Variants in NCKAP5 observed in about 807,000 individuals in gnomAD.
The protein encoded by NCKAP5 is nck-associated protein 5.
Under a neutral mutation model 167.0 loss-of-function variants are expected in NCKAP5, and 92 were observed. The ratio of observed to expected loss-of-function variants is 0.55; its 90% CI spans 0.47 to 0.66. The LOEUF (loss-of-function observed/expected upper bound fraction) is 0.66. Among genes scored for constraint, NCKAP5 ranks in the 30% least tolerant of loss-of-function variants. NCKAP5 has a pLI of 0.00. For missense variants in NCKAP5, 2,378 were observed against 2,315.0 expected (o/e 1.03, Z -0.56); for synonymous variants, 891 against 877.4 (o/e 1.02, Z -0.27).
intron 5 of NCKAP5, among the ~76,000 whole-genome samples, chr2:133,204,730 A>G (rs558823658): frequency 1.5e-3 from 234 of 152,336 alleles, no homozygotes; most frequent in Middle Eastern, 6.8e-3. Flanking sequence ...CCCACTGACA[A>G]TGTAGAATTT....
chr2:132,772,182 A>G (rs564199743), intron 16 of NCKAP5, among the ~76,000 whole-genome samples: 1 of 152,232 alleles, frequency 6.6e-6, no homozygotes, highest in South Asian at 2.1e-4. Flanking sequence ...AGGTTTGTGT[A>G]AGTACACTCT....
Position 133,517,622 on chromosome 2 carries a change from TAC to T in NCKAP5, c.-61-37_-61-36del, listed in dbSNP as rs150977120. The T allele has an allele frequency of 3.3e-3, 2,433 of 746,874 alleles. 35 individuals carry two copies. The highest frequency in any genetic ancestry group is 0.03 in the East Asian group (1,049 of 34,970). The allele number at this position is 746,874 out of a possible 1,614,324, so 46.3% of individuals were successfully genotyped here. A position where few individuals can be genotyped will look rare whatever the true frequency, so the allele number is the denominator to read the frequency against. On this transcript the variant is annotated intron_variant, in intron 2 of 19. Transcript: ENST00000409261. Reference sequence around the variant, plus strand: ...GTGAACATGTGTTTTACTATCCAAGTACACAGTGTTTAGACCTTTGTTTTTAA... The same window carrying T: ...GTGAACATGTGTTTTACTATCCAAGTACAGTGTTTAGACCTTTGTTTTTAA...
At chr2:133,628,390 A>C in the NCKAP5 span, among the ~76,000 whole-genome samples, 12 of 152,338 alleles carry the variant, frequency 7.9e-5, no homozygotes, top group South Asian at 2.5e-3. Flanking sequence ...ACTCCCATTC[A>C]CAATTGCTAC....
intron 1 of NCKAP5, among the ~76,000 whole-genome samples, chr2:133,564,715 C>T (rs1406411210): frequency 1.3e-5 from 2 of 152,064 alleles, no homozygotes; most frequent in Non-Finnish European, 2.9e-5. Context: ...GCAGTCTTCT[C>T]TCTTAAGTAG....
At chr2:133,492,474 G>T (rs183994178) in intron 3 of NCKAP5, among the ~76,000 whole-genome samples, 37 of 152,098 alleles carry the variant, frequency 2.4e-4, no homozygotes, top group Middle Eastern at 3.2e-3. Flanking sequence ...ATAACACAAC[G>T]CTTCCTGTGC....
chr2:133,295,478 G>T (rs187308957), intron 4 of NCKAP5, among the ~76,000 whole-genome samples: 4 of 152,158 alleles, frequency 2.6e-5, no homozygotes, highest in African/African-American at 4.8e-5. Flanking sequence ...AAATTTATTT[G>T]ACCATGGAGT....
the NCKAP5 span, among the ~76,000 whole-genome samples, chr2:133,596,595 C>T: frequency 2.0e-5 from 3 of 152,100 alleles, no homozygotes; most frequent in East Asian, 1.9e-4. Context: ...AGGATAACCC[C>T]GAGGTCGCCA....
At chr2:132,965,902 CTTTG>C (rs1185914312) in intron 7 of NCKAP5, among the ~76,000 whole-genome samples, 2 of 132,918 alleles carry the variant, frequency 1.5e-5, no homozygotes, top group African/African-American at 7.6e-5. Flanking sequence ...GTACATGACT[CTTTG>C]TGTGTGTGTG....
intron 6 of NCKAP5, among the ~76,000 whole-genome samples, chr2:133,121,279 A>G (rs2082242636): frequency 6.6e-6 from 1 of 151,824 alleles, no homozygotes; most frequent in South Asian, 2.1e-4. Context: ...AAGAAACTTA[A>G]AAGACATATC....
At chr2:133,366,963 T>C (rs1685492911) in intron 3 of NCKAP5, among the ~76,000 whole-genome samples, 1 of 152,160 alleles carries the variant, frequency 6.6e-6, no homozygotes, top group Non-Finnish European at 1.5e-5. Flanking sequence ...GTAAAGACAC[T>C]GAAAATGACA....
At chr2:132,763,550 G>T (rs138293267) in intron 16 of NCKAP5, among the ~76,000 whole-genome samples, 42 of 152,294 alleles carry the variant, frequency 2.8e-4, no homozygotes, top group African/African-American at 9.9e-4. Flanking sequence ...TTAATATGGG[G>T]TGTGATTTTG....
At chr2:132,733,506 G>A (rs1434850314) in intron 16 of NCKAP5, among the ~76,000 whole-genome samples, 1 of 152,164 alleles carries the variant, frequency 6.6e-6, no homozygotes, top group Non-Finnish European at 1.5e-5. Context: ...ACTGCTGTGA[G>A]GATTAAAGTA....
chr2:133,189,260 G>A lies in NCKAP5; in HGVS notation c.207+24456C>T, dbSNP rs190839363. ...AAGAAGTTGAATCTCTGAATAGACC[G>A]ATAACAGGCTCTGAAATTGAGGCAA... On this transcript the variant is annotated intron_variant, in intron 5 of 19. Coordinates refer to ENST00000409261, the MANE Select transcript of NCKAP5 (RefSeq NM_207363.3). 1.2e-3 allele frequency among the ~76,000 whole-genome samples: 179 copies of A among 151,946 alleles called. 1 individual carries two copies. Among genetic ancestry groups the A allele is most frequent in the East Asian group, 5.8e-3 (30 of 5,162 alleles).
chr2:133,362,257 G>A (rs552114873), intron 3 of NCKAP5, among the ~76,000 whole-genome samples: 1 of 152,268 alleles, frequency 6.6e-6, no homozygotes, highest in South Asian at 2.1e-4. Flanking sequence ...AAAAGAAGAG[G>A]AAAACATGAA....
intron 3 of NCKAP5, among the ~76,000 whole-genome samples, chr2:133,463,699 C>G (rs2151243470): frequency 6.6e-6 from 1 of 152,346 alleles, no homozygotes; most frequent in East Asian, 1.9e-4. Context: ...ACTTTCTCTA[C>G]CACCTCCTAG....
At chr2:132,922,383 C>T (rs1190760664) in intron 8 of NCKAP5, among the ~76,000 whole-genome samples, 1 of 152,160 alleles carries the variant, frequency 6.6e-6, no homozygotes, top group Non-Finnish European at 1.5e-5. Context: ...TAGAATGTTG[C>T]TCTGCCAGAG....
At chr2:133,436,283 G>A (rs1258969543) in intron 3 of NCKAP5, among the ~76,000 whole-genome samples, 2 of 152,170 alleles carry the variant, frequency 1.3e-5, no homozygotes, top group African/African-American at 4.8e-5. Flanking sequence ...TCCACCTCCA[G>A]AGATGCGGTT....
chr2:133,201,844 G>A (rs950673146), intron 5 of NCKAP5, among the ~76,000 whole-genome samples: 5 of 151,858 alleles, frequency 3.3e-5, no homozygotes, highest in African/African-American at 1.2e-4. Context: ...GCTTAAGAAA[G>A]TTGAAGGAGA....
chr2:133,251,218 G>T (rs533872653), intron 4 of NCKAP5, among the ~76,000 whole-genome samples: 4 of 152,316 alleles, frequency 2.6e-5, no homozygotes, highest in African/African-American at 9.6e-5. Context: ...GATGTGTGTA[G>T]GTTATATGCA....
Sources: allele counts gnomAD v4.1 joint callset (sites outside exome capture counted in the v4.1 genomes callset), GRCh38; gene constraint gnomAD v4.1.1; transcripts MANE v1.5; gene names NCBI Gene and HGNC (gene_info 2026-07-23, HGNC 2026-07-21).